Variants in LIMS1 observed in about 807,000 individuals in gnomAD.
LIMS1 encodes the protein LIM zinc finger domain containing 1, also known as LIM and senescent cell antigen-like-containing domain protein 1.
In LIMS1, 18 loss-of-function variants were observed where a neutral mutation model predicts 44.1. The ratio of observed to expected loss-of-function variants is 0.41; its 90% CI spans 0.28 to 0.61. LIMS1 has a LOEUF of 0.61. Among genes scored for constraint, LIMS1 ranks in the 20% least tolerant of loss-of-function variants. LIMS1 has a pLI of 0.32. For synonymous variants in LIMS1, 93 were observed against 149.1 expected (o/e 0.62, Z 2.74); for missense variants, 201 against 422.0 (o/e 0.48, Z 4.59).
At chr2:108,587,951 C>A (rs867423054) in intron 1 of LIMS1, among the ~76,000 whole-genome samples, 1 of 152,158 alleles carries the variant, frequency 6.6e-6, no homozygotes, top group Non-Finnish European at 1.5e-5. Flanking sequence ...CTGCTTGACC[C>A]CAGAGTAGCA....
At chr2:108,632,257 C>A (rs1169238541) in intron 1 of LIMS1, among the ~76,000 whole-genome samples, 1 of 152,226 alleles carries the variant, frequency 6.6e-6, no homozygotes, top group Non-Finnish European at 1.5e-5. Context: ...AGGCTTGAGT[C>A]ACCGTGCCCA....
intron 1 of LIMS1, among the ~76,000 whole-genome samples, chr2:108,568,467 T>C (rs1402130562): frequency 6.6e-6 from 1 of 152,250 alleles, no homozygotes; most frequent in Non-Finnish European, 1.5e-5. Flanking sequence ...TTTTGGCTAT[T>C]GTGAATAGTG....
At chr2:108,568,922 C>A (rs768016767) in intron 1 of LIMS1, among the ~76,000 whole-genome samples, 1 of 151,944 alleles carries the variant, frequency 6.6e-6, no homozygotes, top group African/African-American at 2.4e-5. Context: ...GATGGAGTCT[C>A]ACTCTGTTGC....
rs58815332 is a variant in LIMS1, at chr2:108,587,290, TTGTGTGTGTG to T, written c.32+52738_32+52747del. Reference sequence around the variant, plus strand: ...AAGTGATGAGTTGTTTTCTTGGGGTTTGTGTGTGTGTGTGTGTGTGTGTGTGTGTGTGTGT... The same window carrying T: ...AAGTGATGAGTTGTTTTCTTGGGGTTTGTGTGTGTGTGTGTGTGTGTGTGT... On this transcript the variant is annotated intron_variant, in intron 1 of 9. Transcript: ENST00000544547. 8.9e-3 allele frequency among the ~76,000 whole-genome samples: 943 copies of T among 106,052 alleles called. 8 individuals carry two copies. The highest frequency in any genetic ancestry group is 0.043 in the East Asian group (41 of 964). The allele number at this position is 106,052 out of a possible 152,430, so 69.6% of individuals were successfully genotyped here.
intron 5 of LIMS1, 69 bp downstream of exon 5, chr2:108,673,098 G>A: frequency 7.4e-7 from 1 of 1,351,866 alleles, no homozygotes; most frequent in Non-Finnish European, 1.0e-6. Flanking sequence ...CTATATTTCT[G>A]TTACTCTAGC....
At chr2:108,549,275 G>A (rs2718735) in intron 1 of LIMS1, among the ~76,000 whole-genome samples, 22,455 of 86,382 alleles carry the variant, frequency 0.26, 2,286 homozygotes, top group African/African-American at 0.37. Flanking sequence ...CAAGTAAAGT[G>A]TTTCTTTTTT....
intron 2 of LIMS1, among the ~76,000 whole-genome samples, chr2:108,670,307 A>T (rs1206111219): frequency 6.6e-6 from 1 of 151,654 alleles, no homozygotes; most frequent in Non-Finnish European, 1.5e-5. Context: ...GCAACATAGC[A>T]AGACTCCCAT....
At chr2:108,588,798 T>C (rs1686231557) in intron 1 of LIMS1, among the ~76,000 whole-genome samples, 1 of 152,224 alleles carries the variant, frequency 6.6e-6, no homozygotes, top group Non-Finnish European at 1.5e-5. Context: ...GCAGAGGTTA[T>C]GATTGTGGTT....
chr2:108,635,749 T>TGG (rs1689203771), intron 1 of LIMS1, among the ~76,000 whole-genome samples: 1 of 151,506 alleles, frequency 6.6e-6, no homozygotes, highest in African/African-American at 2.4e-5. Context: ...AACTGACAGG[T>TGG]TTATTATTCT....
intron 1 of LIMS1, among the ~76,000 whole-genome samples, chr2:108,611,969 CATATATAAAATATATAT>C: frequency 7.3e-6 from 1 of 137,358 alleles, no homozygotes; most frequent in Non-Finnish European, 1.6e-5. Flanking sequence ...TATATATACA[CATATATAAAATATATAT>C]ACATATATTA....
chr2:108,540,780 A>G (rs1392532004), intron 1 of LIMS1, among the ~76,000 whole-genome samples: 2 of 152,210 alleles, frequency 1.3e-5, no homozygotes, highest in Non-Finnish European at 2.9e-5. Flanking sequence ...TTCAAGGCCG[A>G]AAGTCAGTTA....
At chr2:108,575,655 T>C (rs891979331) in intron 1 of LIMS1, among the ~76,000 whole-genome samples, 4 of 152,208 alleles carry the variant, frequency 2.6e-5, no homozygotes, top group Admixed American at 2.6e-4. Context: ...AGTTGCAGGG[T>C]TTGCTGCAGC....
At chr2:108,547,863 G>T (rs1684538442) in intron 1 of LIMS1, among the ~76,000 whole-genome samples, 1 of 152,188 alleles carries the variant, frequency 6.6e-6, no homozygotes, top group East Asian at 1.9e-4. Flanking sequence ...TCATATTGAA[G>T]CATGTTTTAG....
chr2:108,608,441 G>C (rs567136803), intron 1 of LIMS1, among the ~76,000 whole-genome samples: 119 of 152,044 alleles, frequency 7.8e-4, no homozygotes, highest in Non-Finnish European at 1.4e-3. Context: ...GAGTAGCTGG[G>C]ACTATAGGCG....
chr2:108,552,019 G>A (rs1684759071), intron 1 of LIMS1, among the ~76,000 whole-genome samples: 1 of 143,432 alleles, frequency 7.0e-6, no homozygotes, highest in Admixed American at 7.1e-5. Flanking sequence ...CAATCTGAAC[G>A]TCCAGGATTT....
intron 1 of LIMS1, among the ~76,000 whole-genome samples, chr2:108,628,888 C>A (rs1030824988): frequency 6.6e-6 from 1 of 152,206 alleles, no homozygotes; most frequent in African/African-American, 2.4e-5. Flanking sequence ...TCTTTGCTCC[C>A]TGGCTAAAGT....
At chr2:108,634,976 A>G (rs1689138171) in intron 1 of LIMS1, among the ~76,000 whole-genome samples, 1 of 152,144 alleles carries the variant, frequency 6.6e-6, no homozygotes, top group Non-Finnish European at 1.5e-5. Context: ...TGCTGGGGTC[A>G]CAGAGGAACC....
chr2:108,584,378 T>C (rs1240565687), intron 1 of LIMS1, among the ~76,000 whole-genome samples: 2 of 152,166 alleles, frequency 1.3e-5, no homozygotes, highest in Non-Finnish European at 2.9e-5. Context: ...CCTAGACTTT[T>C]CCTTGGGTGA....
rs77422500 is a variant in LIMS1, at chr2:108,559,476, C to T, written c.32+24882C>T. Among the ~76,000 whole-genome samples, 8 of 152,202 alleles carry T rather than the reference C, an allele frequency of 5.3e-5. No homozygotes were observed. In the East Asian group the frequency reaches 1.3e-3, roughly 26 times the overall value. On this transcript the variant is annotated intron_variant, in intron 1 of 9. Coordinates refer to ENST00000544547, the Ensembl canonical transcript of LIMS1. ...GAAAATAAGACTTTCTCATTGCGGT[C>T]TTATAATCAACTCTCTTAATTTTTA...
Sources: allele counts gnomAD v4.1 joint callset (sites outside exome capture counted in the v4.1 genomes callset), GRCh38; gene constraint gnomAD v4.1.1; transcripts MANE v1.5; gene names NCBI Gene and HGNC (gene_info 2026-07-23, HGNC 2026-07-21).